TRMT13: variants seen among roughly 807,000 people sequenced by gnomAD.
TRMT13 encodes tRNA:m(4)X modification enzyme TRM13 homolog.
A neutral mutation model predicts 55.9 loss-of-function variants in TRMT13; 45 were observed. The ratio of observed to expected loss-of-function variants is 0.80; its 90% CI spans 0.63 to 1.03. TRMT13 has a LOEUF of 1.03. TRMT13 is among the 50% of genes least tolerant of loss of function. The pLI is 0.00. For missense variants in TRMT13, 513 were observed against 563.9 expected, an observed-to-expected ratio of 0.91 and a Z score of 0.91; for synonymous variants, 183 against 196.3, an observed-to-expected ratio of 0.93 and a Z score of 0.57.
chr1:100,135,873 A>G (rs150451841), intron 1 of TRMT13, among the ~76,000 whole-genome samples: 172 of 152,348 alleles, frequency 1.1e-3, no homozygotes, highest in African/African-American at 3.9e-3. Flanking sequence ...TGGTGGTCCC[A>G]TAAGGTTATA....
intron 9 of TRMT13, chr1:100,144,456 G>A: frequency 5.7e-6 from 1 of 174,348 alleles, no homozygotes; most frequent in Non-Finnish European, 1.2e-5. Context: ...ATTCCACCTA[G>A]AAGCTACTGA....
chr1:100,137,839 A>G (rs1431728188), intron 3 of TRMT13, among the ~76,000 whole-genome samples: 1 of 152,236 alleles, frequency 6.6e-6, no homozygotes, highest in African/African-American at 2.4e-5. Flanking sequence ...GCATAAGTTT[A>G]GAAAGTATTT....
intron 1 of TRMT13, among the ~76,000 whole-genome samples, chr1:100,133,873 C>T (rs1481406991): frequency 2.6e-5 from 4 of 152,028 alleles, no homozygotes; most frequent in African/African-American, 9.7e-5. Context: ...TGATGAAACC[C>T]TCTCTCTACT....
chr1:100,139,554 C>T (rs993604099), intron 3 of TRMT13, 95 bp from the exon 4 acceptor site: 11 of 709,996 alleles, frequency 1.5e-5, no homozygotes, highest in Non-Finnish European at 2.5e-5. Flanking sequence ...ATGGCAGGTA[C>T]AGAGCAGGGG....
rs146858627 is a variant in TRMT13 at position 100,146,523 on chromosome 1, C to T, written c.818-1371C>T. Reference sequence around the variant, plus strand: ...AACTTAATTCTTTTTTTTTTTTCTTCGAGACGGAGTCTCGCTCTGTCGCCC... The same window carrying T: ...AACTTAATTCTTTTTTTTTTTTCTTTGAGACGGAGTCTCGCTCTGTCGCCC... On this transcript the variant is annotated intron_variant, in intron 9 of 10. Coordinates refer to ENST00000370141, the MANE Select transcript of TRMT13 (RefSeq NM_019083.3). 1.7e-4 allele frequency among the ~76,000 whole-genome samples: 25 copies of T among 149,492 alleles called. No individual in the cohort carries two copies. In the East Asian group the frequency reaches 4.5e-3, roughly 27 times the overall value.
In TRMT13 at chr1:100,146,507, C is replaced by CT. The variant is rs546579308; in HGVS notation, c.818-1375dup. On this transcript the variant is annotated intron_variant, in intron 9 of 10. Transcript: ENST00000370141. ...CTTCTAATTCTGAAATAACTTAATTCTTTTTTTTTTTTCTTCGAGACGGAG... is the reference window on the plus strand; with the variant it reads ...CTTCTAATTCTGAAATAACTTAATTCTTTTTTTTTTTTTCTTCGAGACGGAG... 1.6e-3 allele frequency among the ~76,000 whole-genome samples: 229 copies of CT among 147,410 alleles called. 2 individuals are homozygous for CT. Among genetic ancestry groups the CT allele is most frequent in the Non-Finnish European group, 1.3e-3 (88 of 66,364 alleles).
rs761459235 is a variant in TRMT13 at position 100,148,660 on chromosome 1, A to G, written c.1286A>G (p.His429Arg). 1.2e-6 allele frequency: 2 copies of G among 1,610,918 alleles called. No individual in the cohort carries two copies. The highest frequency in any genetic ancestry group is 1.3e-5 in the African/African-American group (1 of 74,824). ...GTTGAAGAAAAGAAGAAAATAGGGC[A>G]TCTTTGTAAATTGCTGATTGACCAA... ...LSVEEKKKIG[H>R]LCKLLIDQGR... Residue 429 changes from histidine to arginine, a missense_variant, in exon 11 of 11, where the codon CAT becomes CGT. Physicochemically the swap from His to Arg is conservative, Grantham distance 29. This residue lies in a region of TRMT13 where 209 missense variants were observed against 255.8 expected (regional missense o/e 0.82). Coordinates refer to ENST00000370141, the MANE Select transcript of TRMT13 (RefSeq NM_019083.3).
At chr1:100,147,498 C>T (rs1432114021) in intron 9 of TRMT13, among the ~76,000 whole-genome samples, 2 of 152,208 alleles carry the variant, frequency 1.3e-5, no homozygotes, top group African/African-American at 4.8e-5. Context: ...TCCCTCCCTT[C>T]CTTCCTTCCT....
rs1557920332 is a variant in TRMT13 at position 100,150,452 on chromosome 1, CA to C, written c.*1633del. The C allele has an allele frequency of 6.6e-6, 1 of 152,154 alleles. No individual in the cohort carries two copies. The highest frequency in any genetic ancestry group is 2.4e-5 in the African/African-American group (1 of 41,446). The allele number at this position is 152,154 out of a possible 1,614,324, so 9.4% of individuals were successfully genotyped here. ...TTGTGTCATAAAATTTGTTTTGCATCATTCAACAATTTATGCCCAGAAATAA... is the reference window on the plus strand; with the variant it reads ...TTGTGTCATAAAATTTGTTTTGCATCTTCAACAATTTATGCCCAGAAATAA... On this transcript the variant is annotated 3_prime_UTR_variant, in exon 11 of 11. Coordinates refer to ENST00000370141, the MANE Select transcript of TRMT13 (RefSeq NM_019083.3).
chr1:100,148,392 T>C (rs772162666), intron 10 of TRMT13, 66 bp downstream of exon 10: 11 of 1,424,968 alleles, frequency 7.7e-6, no homozygotes, highest in Non-Finnish European at 1.1e-5. Flanking sequence ...GTACTTTAGA[T>C]GACTATTATC....
chr1:100,138,169 T>C (rs536481878), intron 3 of TRMT13, among the ~76,000 whole-genome samples: 11 of 152,352 alleles, frequency 7.2e-5, no homozygotes, highest in East Asian at 3.9e-4. Flanking sequence ...TGGTTCACTA[T>C]GTAGAGTAGG....
Position 100,148,125 on chromosome 1 carries a change from A to G in TRMT13, c.1049A>G (p.Tyr350Cys). 6.2e-7 allele frequency: 1 copy of G among 1,614,222 alleles called. No homozygotes were observed. The highest frequency in any genetic ancestry group is 8.5e-7 in the Non-Finnish European group (1 of 1,180,034). ...TGGAGACATTATGTGGGCAAAGAAT[A>G]TTTCAGGGCTCTAGGCCTTGGAGCA... is the stretch of plus-strand genomic sequence containing the variant. ...CDWRHYVGKE[Y>C]FRALGLGAVE... is the part of the protein sequence containing the mutation. Residue 350 changes from tyrosine to cysteine, a missense_variant, in exon 10 of 11, where the codon TAT becomes TGT. Physicochemically the swap from Tyr to Cys is radical, Grantham distance 194 (BLOSUM62 -2). This residue lies in a region of TRMT13 where 209 missense variants were observed against 255.8 expected (regional missense o/e 0.82). Coordinates refer to ENST00000370141, the MANE Select transcript of TRMT13 (RefSeq NM_019083.3).
chr1:100,149,909 AGTT>A lies in TRMT13; in HGVS notation c.*1090_*1092del. 6.5e-6 allele frequency: 1 copy of A among 153,594 alleles called. No homozygotes were observed. Among genetic ancestry groups the A allele is most frequent in the East Asian group, 1.9e-4 (1 of 5,252 alleles). The allele number at this position is 153,594 out of a possible 1,614,324, so 9.5% of individuals were successfully genotyped here. A position where few individuals can be genotyped will look rare whatever the true frequency, so the allele number is the denominator to read the frequency against. Reference sequence around the variant, plus strand: ...TCTGAAATAACTATTTTTATCCTGTAGTTCTATGATTATATGATTTGTAAATAA... The same window carrying A: ...TCTGAAATAACTATTTTTATCCTGTACTATGATTATATGATTTGTAAATAA... On this transcript the variant is annotated 3_prime_UTR_variant, in exon 11 of 11. Transcript: ENST00000370141.
At position 100,140,206 on chromosome 1, in the gene TRMT13, G is replaced by A; in HGVS notation, c.349G>A (p.Glu117Lys). Residue 117 changes from glutamate (E) to lysine (K), a missense_variant, in exon 5 of 11, where the codon GAG (glutamate) becomes AAG (lysine). By Grantham distance (56) the Glu-to-Lys change is moderately conservative. Coordinates refer to ENST00000370141, the MANE Select transcript of TRMT13 (RefSeq NM_019083.3). The stretch of plus-strand genomic sequence containing the variant: ...GGTTCCAATTTCTTCTCTATCTGAA[G>A]AGCAGTTGGAAAAGTTAATTAAGAA... Reference protein sequence around the residue: ...QLVPISSLSEEQLEKLIKKLR... With the variant: ...QLVPISSLSEKQLEKLIKKLR... The A allele has an allele frequency of 6.2e-7, 1 of 1,611,902 alleles. No homozygotes were observed.
intron 9 of TRMT13, among the ~76,000 whole-genome samples, chr1:100,146,592 G>A (rs1218122012): frequency 7.3e-5 from 11 of 151,412 alleles, no homozygotes; most frequent in African/African-American, 1.5e-4. Flanking sequence ...TGCAACCTCC[G>A]CCTCCCGGCT....
intron 9 of TRMT13, among the ~76,000 whole-genome samples, chr1:100,147,386 C>T (rs190747024): frequency 9.9e-5 from 15 of 152,278 alleles, no homozygotes; most frequent in African/African-American, 3.4e-4. Flanking sequence ...TCTGTTCTGA[C>T]GCCCTCTTTT....
At chr1:100,138,136 A>G (rs1163643757) in intron 3 of TRMT13, among the ~76,000 whole-genome samples, 1 of 152,244 alleles carries the variant, frequency 6.6e-6, no homozygotes, top group East Asian at 1.9e-4. Context: ...AGACGAAGAA[A>G]GAAATGCAAA....
intron 10 of TRMT13, 142 bp from the exon 11 acceptor site, chr1:100,148,478 AAATAT>A: frequency 1.9e-6 from 2 of 1,067,066 alleles, no homozygotes; most frequent in Non-Finnish European, 2.7e-6. Flanking sequence ...TTGTGGTCAT[AAATAT>A]AATGTGTCTT....
At chr1:100,147,743 T>C in intron 9 of TRMT13, 151 bp from the exon 10 acceptor site, 1 of 660,410 alleles carries the variant, frequency 1.5e-6, no homozygotes, top group Non-Finnish European at 2.4e-6. Context: ...AAGTTGATAA[T>C]TCATGATAGT....
Sources: allele counts gnomAD v4.1 joint callset (sites outside exome capture counted in the v4.1 genomes callset), GRCh38; gene constraint gnomAD v4.1.1; regional missense constraint gnomAD v4.1.1; transcripts MANE v1.5; gene names NCBI Gene and HGNC (gene_info 2026-07-23, HGNC 2026-07-21).